The following MEI4 variants were observed in gnomAD, a reference collection of about 807,000 sequenced individuals.
MEI4 encodes meiotic double-stranded break formation protein 4.
In MEI4, 27 loss-of-function variants were observed where a neutral mutation model predicts 31.4. The observed-to-expected ratio is 0.86, with a 90% CI of 0.63 to 1.19. The LOEUF is 1.19. Ranked by LOEUF, MEI4 falls within the 50% of genes most tolerant of loss-of-function variation. The pLI, the probability that MEI4 is intolerant of heterozygous loss-of-function variation, is 0.00. For missense variants in MEI4, 329 were observed against 398.9 expected, an observed-to-expected ratio of 0.82 and a Z score of 1.49; for synonymous variants, 122 against 145.4, an observed-to-expected ratio of 0.84 and a Z score of 1.16.
In MEI4 at chr6:77,737,165, T is replaced by C. The variant is rs138231205; in HGVS notation, c.233-23965T>C. ...ACAGGAAAATAAAAGGGAAACTTAA[T>C]ATTTATTGAGTGTATGCTGTGCATT... On this transcript the variant is annotated intron_variant, in intron 2 of 4. Transcript: ENST00000684080. Among the ~76,000 whole-genome samples, 213 of 152,342 alleles carry C rather than the reference T, an allele frequency of 1.4e-3. 1 individual carries two copies. The highest frequency in any genetic ancestry group is 4.5e-3 in the African/African-American group (187 of 41,580).
At chr6:77,662,767 T>G (rs1297961355) in intron 1 of MEI4, among the ~76,000 whole-genome samples, 1 of 151,572 alleles carries the variant, frequency 6.6e-6, no homozygotes, top group East Asian at 1.9e-4. Flanking sequence ...AGGAAAGGAG[T>G]TTTTGTTTTG....
At chr6:77,688,974 T>C (rs528125141) in intron 1 of MEI4, among the ~76,000 whole-genome samples, 1 of 152,224 alleles carries the variant, frequency 6.6e-6, no homozygotes, top group South Asian at 2.1e-4. Flanking sequence ...TTTGTTCATC[T>C]TGACAGTATC....
At chr6:77,671,574 A>C (rs2504270) in intron 1 of MEI4, among the ~76,000 whole-genome samples, 118,617 of 152,138 alleles carry the variant, frequency 0.78, 46,533 homozygotes, top group African/African-American at 0.87. Flanking sequence ...TAAATGCATA[A>C]AAATTTTTAT....
At chr6:77,801,280 A>G (rs1191630804) in intron 3 of MEI4, among the ~76,000 whole-genome samples, 1 of 152,152 alleles carries the variant, frequency 6.6e-6, no homozygotes, top group East Asian at 1.9e-4. Flanking sequence ...TTATTTGCAT[A>G]GAGGTGTTTA....
intron 1 of MEI4, among the ~76,000 whole-genome samples, chr6:77,681,593 G>T (rs960911784): frequency 6.6e-6 from 1 of 152,038 alleles, no homozygotes; most frequent in Non-Finnish European, 1.5e-5. Flanking sequence ...TATATGTGAT[G>T]CATGTCTCCA....
chr6:77,744,493 T>C (rs1030278694), intron 2 of MEI4, among the ~76,000 whole-genome samples: 1 of 151,360 alleles, frequency 6.6e-6, no homozygotes, highest in East Asian at 1.9e-4. Context: ...CTACGTCTGA[T>C]TGGTGTACCT....
At chr6:77,748,393 C>T (rs983652366) in intron 2 of MEI4, among the ~76,000 whole-genome samples, 2 of 152,220 alleles carry the variant, frequency 1.3e-5, no homozygotes, top group African/African-American at 2.4e-5. Flanking sequence ...GTGGAAGCTG[C>T]TTGGGGTTTA....
intron 2 of MEI4, among the ~76,000 whole-genome samples, chr6:77,694,206 T>C (rs895861279): frequency 6.6e-6 from 1 of 151,992 alleles, no homozygotes; most frequent in Non-Finnish European, 1.5e-5. Flanking sequence ...GAAATTCAAA[T>C]GTAACTGGGT....
At chr6:77,831,723 G>T (rs1456676615) in intron 4 of MEI4, among the ~76,000 whole-genome samples, 6 of 151,816 alleles carry the variant, frequency 4.0e-5, no homozygotes, top group Non-Finnish European at 8.8e-5. Flanking sequence ...TCATATTGAG[G>T]CAGAGAGTAA....
chr6:77,865,441 C>T (rs1174516150), intron 4 of MEI4, among the ~76,000 whole-genome samples: 17 of 152,154 alleles, frequency 1.1e-4, no homozygotes, highest in Non-Finnish European at 2.1e-4. Context: ...TCAGAGAATA[C>T]TATAAACACT....
intron 2 of MEI4, among the ~76,000 whole-genome samples, chr6:77,746,045 A>G (rs938191849): frequency 1.3e-5 from 2 of 152,224 alleles, no homozygotes; most frequent in African/African-American, 4.8e-5. Flanking sequence ...ACACCCTAAC[A>G]TCACAATTAA....
chr6:77,705,218 C>T (rs1766306566), intron 2 of MEI4, among the ~76,000 whole-genome samples: 1 of 152,050 alleles, frequency 6.6e-6, no homozygotes, highest in African/African-American at 2.4e-5. Flanking sequence ...AATAAGTACC[C>T]ATATGTGAGG....
chr6:77,716,993 G>A (rs1457539913), intron 2 of MEI4: 1 of 201,166 alleles, frequency 5.0e-6, no homozygotes, highest in African/African-American at 2.4e-5. Context: ...CTCGTAAGGT[G>A]GGACGAGAGA....
In MEI4 at chr6:77,926,213, G is replaced by GA. The variant is rs1420704777; in HGVS notation, c.*2870dup. 3 of 152,074 alleles carry GA rather than the reference G, an allele frequency of 2.0e-5. No individual in the cohort carries two copies. The highest frequency in any genetic ancestry group is 1.3e-4 in the Admixed American group (2 of 15,220). The allele number at this position is 152,074 out of a possible 1,614,324, so 9.4% of individuals were successfully genotyped here. ...CTATGAACCTTAAGGCACAACAGTGGAAATTACTAGCTTATGATTAGCTTA... is the reference window on the plus strand; with the variant it reads ...CTATGAACCTTAAGGCACAACAGTGGAAAATTACTAGCTTATGATTAGCTTA... On this transcript the variant is annotated 3_prime_UTR_variant, in exon 5 of 5. Transcript: ENST00000684080.
chr6:77,915,399 G>T (rs979035190), intron 4 of MEI4, among the ~76,000 whole-genome samples: 1 of 151,896 alleles, frequency 6.6e-6, no homozygotes, highest in South Asian at 2.1e-4. Context: ...TTCCTTTATT[G>T]GGTATGTTAT....
At chr6:77,809,436 A>G (rs1217298066) in intron 3 of MEI4, among the ~76,000 whole-genome samples, 1 of 152,186 alleles carries the variant, frequency 6.6e-6, no homozygotes, top group East Asian at 1.9e-4. Context: ...TATATGTGAA[A>G]AGATAATGTG....
At chr6:77,785,598 C>T (rs953133918) in intron 3 of MEI4, among the ~76,000 whole-genome samples, 1 of 152,076 alleles carries the variant, frequency 6.6e-6, no homozygotes, top group Non-Finnish European at 1.5e-5. Context: ...AAAAGCAAAG[C>T]AAGGATATTG....
chr6:77,672,697 G>A (rs556234784), intron 1 of MEI4, among the ~76,000 whole-genome samples: 5 of 152,198 alleles, frequency 3.3e-5, no homozygotes, highest in Admixed American at 2.6e-4. Context: ...GCACCACCAC[G>A]CCTGGCTAAT....
chr6:77,733,860 T>A (rs1767092683), intron 2 of MEI4, among the ~76,000 whole-genome samples: 1 of 152,108 alleles, frequency 6.6e-6, no homozygotes, highest in South Asian at 2.1e-4. Context: ...AGAACATCTT[T>A]ATTTCTGCCT....
Sources: allele counts gnomAD v4.1 joint callset (sites outside exome capture counted in the v4.1 genomes callset), GRCh38; gene constraint gnomAD v4.1.1; transcripts MANE v1.5; gene names NCBI Gene and HGNC (gene_info 2026-07-23, HGNC 2026-07-21).